The following PLCB1 variants were observed in gnomAD, a reference collection of about 807,000 sequenced individuals.
The protein encoded by PLCB1 is 1-phosphatidylinositol 4,5-bisphosphate phosphodiesterase beta-1.
In PLCB1, 46 loss-of-function variants were observed where a neutral mutation model predicts 161.8. The observed-to-expected ratio is 0.28, with a 90% CI of 0.22 to 0.36. The LOEUF is 0.36. PLCB1 is among the 10% of genes least tolerant of loss of function. The pLI is 1.00. For synonymous variants in PLCB1, 517 were observed against 503.7 expected (o/e 1.03, Z -0.35); for missense variants, 1,016 against 1,472.5 (o/e 0.69, Z 5.07).
chr20:8,332,226 C>T (rs1985391675), intron 2 of PLCB1, among the ~76,000 whole-genome samples: 2 of 152,222 alleles, frequency 1.3e-5, no homozygotes, highest in South Asian at 4.1e-4. Context: ...TGCTTTCCAG[C>T]AGTGGGGAAG....
rs185114951 is a variant in PLCB1 at position 8,201,046 on chromosome 20, T to C, written c.177+50675T>C. Among the ~76,000 whole-genome samples, 107 of 152,270 alleles carry C rather than the reference T, an allele frequency of 7.0e-4. 1 individual carries two copies. Among genetic ancestry groups the C allele is most frequent in the Middle Eastern group, 3.4e-3 (1 of 294 alleles). ...TTGCTAATATTTTATTTTGCATCTA[T>C]ATTTGTAAGGCAGGCCCACCTAGGA... On this transcript the variant is annotated intron_variant, in intron 2 of 31. Coordinates refer to ENST00000338037, the MANE Select transcript of PLCB1 (RefSeq NM_015192.4).
At chr20:8,421,404 C>T (rs183145747) in intron 3 of PLCB1, among the ~76,000 whole-genome samples, 2 of 152,242 alleles carry the variant, frequency 1.3e-5, no homozygotes, top group Admixed American at 1.3e-4. Flanking sequence ...AGGGTGCACC[C>T]TTGGAATAAC....
At chr20:8,489,186 A>G (rs1163346351) in intron 3 of PLCB1, among the ~76,000 whole-genome samples, 1 of 152,174 alleles carries the variant, frequency 6.6e-6, no homozygotes, top group African/African-American at 2.4e-5. Context: ...GGGAGATGAA[A>G]GGGGGGTTAG....
chr20:8,313,066 G>T (rs565996696), intron 2 of PLCB1, among the ~76,000 whole-genome samples: 1 of 152,088 alleles, frequency 6.6e-6, no homozygotes, highest in African/African-American at 2.4e-5. Flanking sequence ...TTGGTGCCCC[G>T]GAAGGTTTCT....
At chr20:8,753,827 C>T (rs1981602843) in intron 23 of PLCB1, among the ~76,000 whole-genome samples, 2 of 152,238 alleles carry the variant, frequency 1.3e-5, no homozygotes, top group African/African-American at 2.4e-5. Context: ...ACAGCAGCCA[C>T]TGCCCCATTT....
chr20:8,338,866 T>C (rs1190300035), intron 2 of PLCB1, among the ~76,000 whole-genome samples: 1 of 152,190 alleles, frequency 6.6e-6, no homozygotes, highest in Non-Finnish European at 1.5e-5. Context: ...TCCAGCTTAG[T>C]TTACTGATAA....
intron 23 of PLCB1, among the ~76,000 whole-genome samples, chr20:8,748,188 T>C (rs937707689): frequency 4.2e-4 from 64 of 152,342 alleles, no homozygotes; most frequent in African/African-American, 1.5e-3. Context: ...CTTTAAATAG[T>C]GATGCTATCT....
chr20:8,141,478 C>T (rs2051402419), intron 1 of PLCB1, among the ~76,000 whole-genome samples: 1 of 152,032 alleles, frequency 6.6e-6, no homozygotes, highest in African/African-American at 2.4e-5. Flanking sequence ...CAAAAATTAG[C>T]TGGGTGTGGT....
At chr20:8,831,923 T>C (rs911696179) in intron 31 of PLCB1, among the ~76,000 whole-genome samples, 1 of 52,738 alleles carries the variant, frequency 1.9e-5, no homozygotes, top group Admixed American at 2.2e-4. Context: ...TCTTTCTTTC[T>C]TTCTTTCTTT....
chr20:8,372,274 C>T (rs888061807), intron 3 of PLCB1: 7 of 151,878 alleles, frequency 4.6e-5, no homozygotes, highest in Non-Finnish European at 8.8e-5. Context: ...AGTGTCTTCC[C>T]ACAACTTTTG....
chr20:8,732,286 A>G (rs1270678410), intron 18 of PLCB1: 1 of 152,100 alleles, frequency 6.6e-6, no homozygotes, highest in Non-Finnish European at 1.5e-5. Context: ...CCATTCTCAA[A>G]AACATGGCTT....
intron 2 of PLCB1, among the ~76,000 whole-genome samples, chr20:8,223,215 G>A (rs929942044): frequency 6.6e-6 from 1 of 152,066 alleles, no homozygotes; most frequent in African/African-American, 2.4e-5. Context: ...GCCCTTTCAG[G>A]GAATTTGTGC....
chr20:8,420,083 A>G (rs571103531), intron 3 of PLCB1, among the ~76,000 whole-genome samples: 1 of 152,304 alleles, frequency 6.6e-6, no homozygotes, highest in South Asian at 2.1e-4. Flanking sequence ...GGATACTTCC[A>G]ATACATATTA....
intron 31 of PLCB1, among the ~76,000 whole-genome samples, chr20:8,829,725 T>G (rs903642442): frequency 1.3e-5 from 2 of 152,078 alleles, no homozygotes; most frequent in African/African-American, 2.4e-5. Context: ...TATGAAAGAG[T>G]AGAGAGGGTA....
At chr20:8,422,775 C>G (rs574284745) in intron 3 of PLCB1, among the ~76,000 whole-genome samples, 2 of 152,248 alleles carry the variant, frequency 1.3e-5, no homozygotes, top group South Asian at 4.2e-4. Flanking sequence ...TCATGCCAGT[C>G]AGCGTTACCA....
intron 3 of PLCB1, among the ~76,000 whole-genome samples, chr20:8,604,005 C>A (rs1987679091): frequency 6.6e-6 from 1 of 152,156 alleles, no homozygotes; most frequent in Non-Finnish European, 1.5e-5. Context: ...GTGATCCCAG[C>A]ACTTTGGAAG....
At chr20:8,797,772 C>A (rs1049818585) in intron 31 of PLCB1, among the ~76,000 whole-genome samples, 1 of 152,218 alleles carries the variant, frequency 6.6e-6, no homozygotes, top group Non-Finnish European at 1.5e-5. Context: ...GGTGAACACA[C>A]AATTTCCATC....
chr20:8,599,292 C>T (rs1987452587), intron 3 of PLCB1, among the ~76,000 whole-genome samples: 2 of 145,836 alleles, frequency 1.4e-5, no homozygotes, highest in Non-Finnish European at 3.0e-5. Flanking sequence ...TAGGGCAGGC[C>T]TGGTGGTGAC....
At chr20:8,231,161 A>G (rs1351568092) in intron 2 of PLCB1, among the ~76,000 whole-genome samples, 2 of 152,174 alleles carry the variant, frequency 1.3e-5, no homozygotes, top group African/African-American at 4.8e-5. Context: ...TTTCTTAGGT[A>G]GAAGCCTATG....
Sources: allele counts gnomAD v4.1 joint callset (sites outside exome capture counted in the v4.1 genomes callset), GRCh38; gene constraint gnomAD v4.1.1; transcripts MANE v1.5; gene names NCBI Gene and HGNC (gene_info 2026-07-23, HGNC 2026-07-21).